Variants in PICK1 observed in about 807,000 individuals in gnomAD.
PICK1 encodes PRKCA-binding protein.
Under a neutral mutation model 48.9 loss-of-function variants are expected in PICK1, and 23 were observed. That is an observed-to-expected ratio of 0.47 (90% CI 0.34 to 0.67). The LOEUF is 0.67. Among genes scored for constraint, PICK1 ranks in the 30% least tolerant of loss-of-function variants. PICK1 has a pLI of 0.01. For missense variants in PICK1, 423 were observed against 557.1 expected, an observed-to-expected ratio of 0.76 and a Z score of 2.42; for synonymous variants, 217 against 228.2, an observed-to-expected ratio of 0.95 and a Z score of 0.44.
rs1279616473 is a variant in PICK1 at position 38,072,528 on chromosome 22, C to T, written c.608C>T (p.Ala203Val). The T allele has an allele frequency of 2.1e-5, 34 of 1,613,490 alleles. No individual in the cohort carries two copies. The highest frequency in any genetic ancestry group is 4.0e-5 in the African/African-American group (3 of 74,928). Reference protein sequence around the residue: ...VIGVREPQPAASEAFVKFADA... With the variant: ...VIGVREPQPAVSEAFVKFADA... ...GGGGTGCGGGAGCCCCAGCCAGCTG[C>T]GAGCGAGGCTTTTGTGAAGTTCGCC... Residue 203 changes from alanine (A) to valine (V), a missense_variant, in exon 9 of 13, where the codon GCG becomes GTG. Coordinates refer to ENST00000356976, the MANE Select transcript of PICK1 (RefSeq NM_012407.4).
chr22:38,063,362 T>A (rs1303976897), intron 3 of PICK1, among the ~76,000 whole-genome samples: 1 of 151,962 alleles, frequency 6.6e-6, no homozygotes, highest in Non-Finnish European at 1.5e-5. Context: ...TTTTGCCATA[T>A]TGCCCAGGCG....
intron 7 of PICK1, among the ~76,000 whole-genome samples, chr22:38,071,110 G>C (rs1030392818): frequency 1.3e-5 from 2 of 152,222 alleles, no homozygotes; most frequent in Non-Finnish European, 2.9e-5. Flanking sequence ...ACTTTGGGAG[G>C]CTGAGGTGGG....
Position 38,069,024 on chromosome 22 carries a change from C to T in PICK1, c.350-9C>T, listed in dbSNP as rs1458220649. 4 of 1,610,342 alleles carry T rather than the reference C, an allele frequency of 2.5e-6. No individual in the cohort carries two copies. The highest frequency in any genetic ancestry group is 3.4e-6 in the Non-Finnish European group (4 of 1,177,942). On this transcript the variant is annotated splice_polypyrimidine_tract_variant and intron_variant, in intron 5 of 12. Coordinates refer to ENST00000356976, the MANE Select transcript of PICK1 (RefSeq NM_012407.4). Reference sequence around the variant, plus strand: ...CACAGACTCACCAGGTCCTTTGTCCCCCGCTCAGTGTTGAAGAAAGTCAAG... The same window carrying T: ...CACAGACTCACCAGGTCCTTTGTCCTCCGCTCAGTGTTGAAGAAAGTCAAG...
Position 38,067,779 on chromosome 22 carries a change from G to A in PICK1, c.349+9G>A, listed in dbSNP as rs764935982. ...CATGTCCCTGGACATTGGTAAGCTG[G>A]TCAGAGCAGTTACGGGTGTCCAGCA... On this transcript the variant is annotated intron_variant, in intron 5 of 12. Transcript: ENST00000356976. The A allele has an allele frequency of 1.2e-6, 2 of 1,612,980 alleles. No homozygotes were observed. The highest frequency in any genetic ancestry group is 1.1e-5 in the South Asian group (1 of 91,082).
At chr22:38,061,277 G>A (rs1269847110) in intron 3 of PICK1, among the ~76,000 whole-genome samples, 1 of 152,102 alleles carries the variant, frequency 6.6e-6, no homozygotes, top group Non-Finnish European at 1.5e-5. Flanking sequence ...GGAGATGGTG[G>A]TTGCAGTAAG....
chr22:38,072,442 G>A (rs752603916), intron 8 of PICK1, 35 bp from the exon 9 acceptor site: 2 of 1,605,800 alleles, frequency 1.2e-6, no homozygotes, highest in South Asian at 1.1e-5. Context: ...AGGGGGCCAA[G>A]TAGGGGCAGC....
intron 7 of PICK1, among the ~76,000 whole-genome samples, chr22:38,071,252 G>A (rs1231011962): frequency 2.0e-5 from 3 of 152,162 alleles, no homozygotes; most frequent in Non-Finnish European, 4.4e-5. Flanking sequence ...GCTGAGGCAT[G>A]AGAATCGCTT....
intron 3 of PICK1, among the ~76,000 whole-genome samples, chr22:38,061,209 C>G (rs112261617): frequency 0.025 from 3,783 of 152,034 alleles, 159 homozygotes; most frequent in African/African-American, 0.087. Context: ...GGCATGATGG[C>G]GGGTTCCTGT....
In PICK1 at chr22:38,057,981, C is replaced by T. The variant is rs941650437; in HGVS notation, c.41+131C>T. The T allele has an allele frequency of 1.2e-5, 9 of 771,332 alleles. No individual in the cohort carries two copies. In the African/African-American group the frequency reaches 1.4e-4, roughly 12 times the overall value. The allele number at this position is 771,332 out of a possible 1,614,324, so 47.8% of individuals were successfully genotyped here. A position where few individuals can be genotyped will look rare whatever the true frequency, so the allele number is the denominator to read the frequency against. ...TTGTTGTACTGAAGCAGCAATGGAC[C>T]CTGCTCTCCCAGGAGCTCACTATTT... On this transcript the variant is annotated intron_variant, in intron 2 of 12. Coordinates refer to ENST00000356976, the MANE Select transcript of PICK1 (RefSeq NM_012407.4).
rs977980312 is a variant in PICK1, at chr22:38,057,452, A to C, written c.-193A>C. 3 of 338,192 alleles carry C rather than the reference A, an allele frequency of 8.9e-6. No homozygotes were observed. The highest frequency in any genetic ancestry group is 6.2e-5 in the African/African-American group (3 of 48,184). The allele number at this position is 338,192 out of a possible 1,614,324, so 20.9% of individuals were successfully genotyped here. The stretch of plus-strand genomic sequence containing the variant: ...GGAACGGCAGGTGGGTTCAGGTACC[A>C]GCCTGGCCGGGACCCGGCTGTGGGA... On this transcript the variant is annotated 5_prime_UTR_variant, in exon 1 of 13. Transcript: ENST00000356976.
chr22:38,070,993 A>C (rs1434757841), intron 7 of PICK1, 102 bp downstream of exon 7: 1 of 879,528 alleles, frequency 1.1e-6, no homozygotes. Context: ...GCCAGCCTAC[A>C]AAATACTAGG....
At chr22:38,063,703 C>T (rs952605327) in intron 3 of PICK1, among the ~76,000 whole-genome samples, 3 of 144,852 alleles carry the variant, frequency 2.1e-5, no homozygotes, top group African/African-American at 5.1e-5. Context: ...AGTACAGTGA[C>T]GGGATCTCAG....
rs923531577 is a variant in PICK1, at chr22:38,074,797, G to A, written c.980-67G>A. 2 of 1,585,878 alleles carry A rather than the reference G, an allele frequency of 1.3e-6. No homozygotes were observed. The highest frequency in any genetic ancestry group is 1.3e-5 in the African/African-American group (1 of 74,584). ...GCGAGAGGTGGGCCGGGTGGGCTGG[G>A]AGAGTCTCCTCCCTGAGGCAGGCAG... On this transcript the variant is annotated intron_variant, in intron 12 of 12. Transcript: ENST00000356976. The surrounding 1 kb of genome is among the most constrained non-coding windows in gnomAD (Gnocchi z 4.5).
Position 38,074,001 on chromosome 22 carries a change from C to A in PICK1, c.834+178C>A. The stretch of plus-strand genomic sequence containing the variant: ...GGGCCTCGGGGTGCTGGGCACCCGG[C>A]CGGGAACCACTCCCTCAGTCTGGGG... On this transcript the variant is annotated intron_variant, in intron 11 of 12. Transcript: ENST00000356976. This position sits in a 1 kb window ranked among gnomAD's most constrained non-coding sequence, Gnocchi z 4.5. 1 of 674,568 alleles carries A rather than the reference C, an allele frequency of 1.5e-6. No individual in the cohort carries two copies. Among genetic ancestry groups the A allele is most frequent in the East Asian group, 2.7e-5 (1 of 36,862 alleles). The allele number at this position is 674,568 out of a possible 1,614,324, so 41.8% of individuals were successfully genotyped here. A position where few individuals can be genotyped will look rare whatever the true frequency, so the allele number is the denominator to read the frequency against.
intron 2 of PICK1, 123 bp downstream of exon 2, chr22:38,057,973 C>T (rs2085311127): frequency 1.2e-6 from 1 of 801,792 alleles, no homozygotes; most frequent in African/African-American, 1.7e-5. Flanking sequence ...ACTGAAGCAG[C>T]AATGGACCCT....
At chr22:38,061,131 GA>G (rs2085390614) in intron 3 of PICK1, among the ~76,000 whole-genome samples, 1 of 152,050 alleles carries the variant, frequency 6.6e-6, no homozygotes, top group Admixed American at 6.6e-5. Context: ...CACCTGAGGT[GA>G]AAACTTCCAG....
At chr22:38,070,807 C>T (rs760143024) in intron 6 of PICK1, 31 bp from the exon 7 acceptor site, 4 of 1,610,422 alleles carry the variant, frequency 2.5e-6, no homozygotes, top group Non-Finnish European at 3.4e-6. Context: ...GCTGAGCCCA[C>T]TGACCTCCCC....
intron 3 of PICK1, among the ~76,000 whole-genome samples, chr22:38,062,534 C>T (rs190120402): frequency 1.3e-5 from 2 of 152,320 alleles, no homozygotes; most frequent in South Asian, 2.1e-4. Context: ...AGGCGTGAGC[C>T]ACCATGCCCG....
intron 3 of PICK1, among the ~76,000 whole-genome samples, chr22:38,061,343 A>AAATAAT (rs6147619): frequency 0.32 from 47,551 of 148,664 alleles, 7,551 homozygotes; most frequent in East Asian, 0.4. Context: ...TCCGTCTCAA[A>AAATAAT]AATAATAATA....
Sources: gnomAD v4.1 joint callset for allele counts (sites outside exome capture counted in the v4.1 genomes callset) on GRCh38, gnomAD v4.1.1 for gene constraint, Gnocchi (gnomAD v3.1) non-coding constraint, MANE v1.5 for transcripts, NCBI Gene and HGNC (gene_info 2026-07-23, HGNC 2026-07-21) for gene names.